The following PITPNM3 variants were observed in gnomAD, a reference collection of about 807,000 sequenced individuals.
The protein encoded by PITPNM3 is membrane-associated phosphatidylinositol transfer protein 3.
In PITPNM3, 26 loss-of-function variants were observed where a neutral mutation model predicts 102.0. The ratio of observed to expected loss-of-function variants is 0.25; its 90% confidence interval spans 0.19 to 0.35. The LOEUF (loss-of-function observed/expected upper bound fraction) is 0.35, where lower values mean the gene tolerates loss of function less well. Among genes scored for constraint, PITPNM3 ranks in the 10% least tolerant of loss-of-function variants. PITPNM3 has a pLI of 1.00. For synonymous variants in PITPNM3, 578 were observed against 558.6 expected (o/e 1.03, Z -0.49); for missense variants, 1,083 against 1,346.1 (o/e 0.80, Z 3.06).
At chr17:6,519,120 G>A (rs1295533286) in intron 3 of PITPNM3, among the ~76,000 whole-genome samples, 2 of 149,118 alleles carry the variant, frequency 1.3e-5, no homozygotes, top group Non-Finnish European at 3.0e-5. Context: ...GGCGGATCAC[G>A]AGGTCAGGAG....
At chr17:6,509,492 C>T (rs1355622168) in intron 3 of PITPNM3, among the ~76,000 whole-genome samples, 2 of 152,178 alleles carry the variant, frequency 1.3e-5, no homozygotes, top group Non-Finnish European at 2.9e-5. Context: ...AGACAGGAGC[C>T]GCTGAAGCCG....
At chr17:6,511,844 G>A (rs1469049781) in intron 3 of PITPNM3, among the ~76,000 whole-genome samples, 1 of 152,074 alleles carries the variant, frequency 6.6e-6, no homozygotes, top group Non-Finnish European at 1.5e-5. Flanking sequence ...AATTAGCCAT[G>A]GGGGGCAGGA....
At chr17:6,497,338 C>A (rs987314854) in intron 4 of PITPNM3, among the ~76,000 whole-genome samples, 13 of 152,108 alleles carry the variant, frequency 8.5e-5, no homozygotes, top group Admixed American at 7.9e-4. Flanking sequence ...CAGTGGGGTG[C>A]GAAGTCAAAC....
At position 6,525,420 on chromosome 17, in the gene PITPNM3, G is replaced by A; in HGVS notation, c.162C>T (p.Ser54=). 1 of 1,614,162 alleles carries A rather than the reference G, an allele frequency of 6.2e-7. No individual in the cohort carries two copies. Among genetic ancestry groups the A allele is most frequent in the Non-Finnish European group, 8.5e-7 (1 of 1,180,028 alleles). Reference sequence around the variant, plus strand: ...CCACGAGGTCATTGGAGTTCCACTGGCTCATCCCAATGAGGATGGCATTCT... The same window carrying A: ...CCACGAGGTCATTGGAGTTCCACTGACTCATCCCAATGAGGATGGCATTCT... ...EGKNAILIGM[S]QWNSNDLVEQ... Residue 54 remains serine (S), a synonymous_variant, in exon 3 of 20, where the codon AGC becomes AGT. Transcript: ENST00000262483.
intron 17 of PITPNM3, among the ~76,000 whole-genome samples, chr17:6,462,270 G>A (rs946099981): frequency 1.3e-5 from 2 of 151,998 alleles, no homozygotes; most frequent in Non-Finnish European, 1.5e-5. Flanking sequence ...CCTGTACATC[G>A]CAAATCTAAC....
intron 4 of PITPNM3, among the ~76,000 whole-genome samples, chr17:6,498,014 G>A (rs899848824): frequency 6.6e-5 from 10 of 152,198 alleles, no homozygotes; most frequent in East Asian, 1.9e-4. Context: ...CCCACCGGAC[G>A]TTCCTGGATG....
chr17:6,534,809 C>CG, intron 2 of PITPNM3, among the ~76,000 whole-genome samples: 2 of 151,960 alleles, frequency 1.3e-5, no homozygotes, highest in East Asian at 3.9e-4. Flanking sequence ...GGGATCACGA[C>CG]GGCGGTTATG....
intron 1 of PITPNM3, 79 bp from the exon 2 acceptor site, chr17:6,538,161 A>AGGTG: frequency 9.7e-7 from 1 of 1,031,730 alleles, no homozygotes; most frequent in African/African-American, 1.6e-5. Flanking sequence ...ACCCCCCTGG[A>AGGTG]CTAAAGGCCA....
intron 1 of PITPNM3, among the ~76,000 whole-genome samples, chr17:6,544,654 T>TCTCTCTCTCTCTCTCTCACACA (rs376230474): frequency 3.8e-5 from 5 of 130,204 alleles, no homozygotes; most frequent in African/African-American, 1.2e-4. Flanking sequence ...TCTCTCTCTC[T>TCTCTCTCTCTCTCTCTCACACA]CACACACACA....
At chr17:6,503,656 T>A in intron 3 of PITPNM3, 82 bp from the exon 4 acceptor site, 1 of 1,384,210 alleles carries the variant, frequency 7.2e-7, no homozygotes, top group Non-Finnish European at 1.0e-6. Context: ...TGCTTGGAGC[T>A]GCCTCTGACC....
chr17:6,483,777 C>G (rs1428331864), intron 5 of PITPNM3, 25 bp from the exon 6 acceptor site: 16 of 1,604,508 alleles, frequency 1.0e-5, no homozygotes, highest in East Asian at 4.5e-5. Flanking sequence ...GGTTGGAATA[C>G]AGAGAGAGAG....
chr17:6,487,123 C>T (rs760370461), intron 4 of PITPNM3, among the ~76,000 whole-genome samples: 24 of 152,122 alleles, frequency 1.6e-4, no homozygotes, highest in Non-Finnish European at 3.4e-4. Context: ...CAAGAAGAAC[C>T]AGGAGTGATG....
intron 1 of PITPNM3, among the ~76,000 whole-genome samples, chr17:6,543,153 C>T (rs1567696014): frequency 6.6e-6 from 1 of 152,218 alleles, no homozygotes. Flanking sequence ...CGAGCTGGGC[C>T]GCTCAGTGGG....
chr17:6,524,571 C>T (rs549172444), intron 3 of PITPNM3, among the ~76,000 whole-genome samples: 29 of 152,288 alleles, frequency 1.9e-4, no homozygotes, highest in African/African-American at 7.0e-4. Flanking sequence ...TGCCCCATTG[C>T]TTCACTGTCA....
chr17:6,503,835 T>G (rs1907330209), intron 3 of PITPNM3, among the ~76,000 whole-genome samples: 2 of 152,230 alleles, frequency 1.3e-5, no homozygotes, highest in East Asian at 3.9e-4. Flanking sequence ...TGTCTTGTCC[T>G]CCAGCTCCTC....
chr17:6,482,040 G>GTCTCTCTCTCTCTCTCTC lies in PITPNM3; in HGVS notation c.587+1459_587+1476dup, dbSNP rs56855120. Among the ~76,000 whole-genome samples, 3 of 55,184 alleles carry GTCTCTCTCTCTCTCTCTC rather than the reference G, an allele frequency of 5.4e-5. 1 individual carries two copies. Among genetic ancestry groups the GTCTCTCTCTCTCTCTCTC allele is most frequent in the Non-Finnish European group, 4.8e-5 (1 of 20,800 alleles). 36.2% of individuals were successfully genotyped at this position (55,184 alleles called of 152,430 possible). A position where few individuals can be genotyped will look rare whatever the true frequency, so the allele number is the denominator to read the frequency against. ...TCTCTCTCTCTCTCTCTCTCTGTCT[G>GTCTCTCTCTCTCTCTCTC]TCTCTCTCTCTCTCTCTCTCTCTCT... On this transcript the variant is annotated intron_variant, in intron 6 of 19. Transcript: ENST00000262483.
intron 10 of PITPNM3, among the ~76,000 whole-genome samples, chr17:6,473,411 G>A (rs1372796159): frequency 2.0e-5 from 3 of 152,092 alleles, no homozygotes; most frequent in Admixed American, 2.0e-4. Context: ...AGCATCCAGG[G>A]AGCCCTAGGG....
In PITPNM3 at chr17:6,458,933, C is replaced by G. The variant is rs1370190511; in HGVS notation, c.2491-1211G>C. Among the ~76,000 whole-genome samples the G allele has an allele frequency of 6.6e-6, 1 of 152,088 alleles. No homozygotes were observed. The highest frequency in any genetic ancestry group is 1.5e-5 in the Non-Finnish European group (1 of 68,022). On this transcript the variant is annotated intron_variant, in intron 18 of 19. Coordinates refer to ENST00000262483, the MANE Select transcript of PITPNM3 (RefSeq NM_031220.4). The surrounding 1 kb of genome is among the most constrained non-coding windows in gnomAD (Gnocchi z 5.1). ...ATCTTCTTCCTGTCCTTCCCTGAGC[C>G]CTACCCCATCCTGCAGGTGACTGCC... is the stretch of plus-strand genomic sequence containing the variant.
chr17:6,523,680 C>A (rs1567687406), intron 3 of PITPNM3, among the ~76,000 whole-genome samples: 1 of 152,216 alleles, frequency 6.6e-6, no homozygotes, highest in Non-Finnish European at 1.5e-5. Flanking sequence ...GAATCCATGA[C>A]CCCTTCTAGG....
Sources: allele counts gnomAD v4.1 joint callset (sites outside exome capture counted in the v4.1 genomes callset), GRCh38; gene constraint gnomAD v4.1.1; non-coding constraint Gnocchi (gnomAD v3.1); transcripts MANE v1.5; gene names NCBI Gene and HGNC (gene_info 2026-07-23, HGNC 2026-07-21).